The following METAP1 variants were observed in gnomAD, a reference collection of about 807,000 sequenced individuals.
METAP1 encodes methionyl aminopeptidase 1.
A neutral mutation model predicts 53.8 loss-of-function variants in METAP1; 28 were observed. That is an observed-to-expected ratio of 0.52 (90% CI 0.39 to 0.71). The LOEUF is 0.71. Among genes scored for constraint, METAP1 ranks in the 30% least tolerant of loss-of-function variants. The probability of loss-of-function intolerance (pLI) is 0.00; values close to 1 mark genes in which losing one functional copy is unlikely to be tolerated. For missense variants in METAP1, 389 were observed against 479.8 expected, an observed-to-expected ratio of 0.81 and a Z score of 1.77; for synonymous variants, 181 against 165.7, an observed-to-expected ratio of 1.09 and a Z score of -0.71.
At chr4:99,055,409 GAAAA>G (rs1553948106) in intron 9 of METAP1, among the ~76,000 whole-genome samples, 1 of 149,016 alleles carries the variant, frequency 6.7e-6, no homozygotes, top group Non-Finnish European at 1.5e-5. Flanking sequence ...AAAAAAAAGA[GAAAA>G]GAAAGAAGGA....
intron 1 of METAP1, among the ~76,000 whole-genome samples, chr4:99,027,584 A>G (rs934628791): frequency 1.3e-5 from 2 of 149,772 alleles, no homozygotes; most frequent in African/African-American, 5.0e-5. Flanking sequence ...ACATATTTAT[A>G]TTTACACATT....
intron 10 of METAP1, among the ~76,000 whole-genome samples, chr4:99,060,290 T>A (rs1213605357): frequency 6.6e-6 from 1 of 152,062 alleles, no homozygotes; most frequent in Non-Finnish European, 1.5e-5. Context: ...GCACCCACTG[T>A]TCTGCTTTCT....
chr4:99,005,887 G>T (rs534089518), intron 1 of METAP1: 26 of 319,766 alleles, frequency 8.1e-5, no homozygotes, highest in Non-Finnish European at 1.6e-4. Flanking sequence ...AAAGACATTC[G>T]GAGTGGTATA....
chr4:99,016,966 A>C (rs62323255), intron 1 of METAP1, among the ~76,000 whole-genome samples: 3,338 of 152,288 alleles, frequency 0.022, 46 homozygotes, highest in Non-Finnish European at 0.035. Flanking sequence ...TTTAGCCCAC[A>C]TTTCGCTTAG....
intron 6 of METAP1, 59 bp from the exon 7 acceptor site, chr4:99,043,190 T>C: frequency 7.6e-7 from 1 of 1,310,484 alleles, no homozygotes; most frequent in Non-Finnish European, 1.0e-6. Context: ...TTTTAAAATC[T>C]GTAATTTCAT....
At chr4:99,005,937 G>A (rs1230159) in intron 1 of METAP1, 39,980 of 227,776 alleles carry the variant, frequency 0.18, 5,770 homozygotes, top group East Asian at 0.81. Flanking sequence ...GGCTGGCTGA[G>A]GGTGAGGGAT....
intron 7 of METAP1, among the ~76,000 whole-genome samples, chr4:99,044,525 G>A (rs900166886): frequency 9.9e-5 from 15 of 152,190 alleles, no homozygotes; most frequent in Non-Finnish European, 1.9e-4. Flanking sequence ...AGGTTTTTCA[G>A]GAATGTATGT....
At chr4:99,034,136 T>C in intron 2 of METAP1, 94 bp from the exon 3 acceptor site, 1 of 761,096 alleles carries the variant, frequency 1.3e-6, no homozygotes, top group East Asian at 2.8e-5. Flanking sequence ...ACAAGAGATA[T>C]TCAAAGTATG....
At chr4:99,012,034 T>C (rs1202651363) in intron 1 of METAP1, among the ~76,000 whole-genome samples, 1 of 152,222 alleles carries the variant, frequency 6.6e-6, no homozygotes, top group African/African-American at 2.4e-5. Context: ...TCTTCGGTAG[T>C]CTAGCTAAGG....
intron 1 of METAP1, among the ~76,000 whole-genome samples, chr4:99,028,310 T>C (rs1269666070): frequency 6.6e-6 from 1 of 152,174 alleles, no homozygotes; most frequent in Non-Finnish European, 1.5e-5. Flanking sequence ...TCATTAATTC[T>C]GATCATTCAG....
At chr4:99,039,492 T>C (rs1725687089) in intron 5 of METAP1, 27 bp downstream of exon 5, 1 of 1,378,044 alleles carries the variant, frequency 7.3e-7, no homozygotes, top group African/African-American at 1.4e-5. Context: ...CTCCATGGGG[T>C]AGGAAATGTT....
At chr4:99,026,401 A>C (rs1004653091) in intron 1 of METAP1, 1 of 985,402 alleles carries the variant, frequency 1.0e-6, no homozygotes, top group Non-Finnish European at 1.2e-6. Flanking sequence ...TGTGGAGTGA[A>C]GTGTGGACAT....
At chr4:99,043,868 G>C (rs1726041034) in intron 7 of METAP1, among the ~76,000 whole-genome samples, 1 of 152,178 alleles carries the variant, frequency 6.6e-6, no homozygotes, top group South Asian at 2.1e-4. Context: ...CAAGTATAGA[G>C]AGTAGAGGAA....
At chr4:99,020,695 C>T (rs1263911958) in intron 1 of METAP1, among the ~76,000 whole-genome samples, 2 of 152,190 alleles carry the variant, frequency 1.3e-5, no homozygotes, top group Admixed American at 1.3e-4. Context: ...TAGTGTATCT[C>T]TTCTGAAGAC....
intron 5 of METAP1, among the ~76,000 whole-genome samples, chr4:99,039,857 G>A (rs528987051): frequency 6.6e-6 from 1 of 152,236 alleles, no homozygotes; most frequent in Admixed American, 6.5e-5. Context: ...CTCCCAAAAT[G>A]CTGGGATTAC....
At chr4:98,997,203 G>C (rs554484016) in intron 1 of METAP1, among the ~76,000 whole-genome samples, 9 of 152,194 alleles carry the variant, frequency 5.9e-5, no homozygotes, top group African/African-American at 2.2e-4. Context: ...ACATAAAAAC[G>C]TAAAGATATA....
chr4:98,999,754 G>A (rs1243004905), intron 1 of METAP1, among the ~76,000 whole-genome samples: 2 of 151,272 alleles, frequency 1.3e-5, no homozygotes, highest in African/African-American at 2.4e-5. Flanking sequence ...CTCGTGATCC[G>A]CCTACCTCAG....
chr4:99,021,966 T>C (rs1560705077), intron 1 of METAP1, among the ~76,000 whole-genome samples: 2 of 152,176 alleles, frequency 1.3e-5, no homozygotes. Flanking sequence ...CCTTTATGGA[T>C]TTAAGAAACT....
chr4:99,003,087 A>C (rs1201179299), intron 1 of METAP1, among the ~76,000 whole-genome samples: 3 of 148,770 alleles, frequency 2.0e-5, no homozygotes, highest in Non-Finnish European at 4.5e-5. Flanking sequence ...AAACAAACAA[A>C]AAACAACAAA....
Sources: gnomAD v4.1 joint callset for allele counts (sites outside exome capture counted in the v4.1 genomes callset) on GRCh38, gnomAD v4.1.1 for gene constraint, MANE v1.5 for transcripts, NCBI Gene and HGNC (gene_info 2026-07-23, HGNC 2026-07-21) for gene names.